The following TBC1D4 variants were observed in gnomAD, a reference collection of about 807,000 sequenced individuals.
TBC1D4 encodes TBC1 domain family member 4, also known as TBC (Tre-2, BUB2, CDC16) domain-containing protein.
Under a neutral mutation model 142.5 loss-of-function variants are expected in TBC1D4, and 121 were observed. The ratio of observed to expected loss-of-function variants is 0.85; its 90% CI spans 0.73 to 0.99. The LOEUF (loss-of-function observed/expected upper bound fraction) is 0.99, where lower values mean the gene tolerates loss of function less well. Among genes scored for constraint, TBC1D4 ranks in the 50% least tolerant of loss-of-function variants. The pLI, the probability that TBC1D4 is intolerant of heterozygous loss-of-function variation, is 0.00. For missense variants in TBC1D4, 1,475 were observed against 1,606.6 expected (o/e 0.92, Z 1.40); for synonymous variants, 630 against 628.2 (o/e 1.00, Z -0.04).
Position 75,295,008 on chromosome 13 carries a change from T to G in TBC1D4, c.3162A>C (p.Gln1054His). The change falls in exon 18 of 21, where the codon CAA becomes CAC. Residue 1054 changes from glutamine (Q) to histidine (H), a missense_variant. By Grantham distance (24) the Gln-to-His change is conservative. Coordinates refer to ENST00000377636, the MANE Select transcript of TBC1D4 (RefSeq NM_014832.5). ...GAAGGAGCCTGGACAGCTGGTACAT[T>G]TGAATCTAAAGTTAATTTGGAGAAG... The part of the protein sequence containing the change: ...YRPDMMSLQI[Q>H]MYQLSRLLHD... 1 of 1,613,678 alleles carries G rather than the reference T, an allele frequency of 6.2e-7. No individual in the cohort carries two copies. Among genetic ancestry groups the G allele is most frequent in the Non-Finnish European group, 8.5e-7 (1 of 1,179,752 alleles).
At chr13:75,289,889 A>G (rs1875100440) in intron 19 of TBC1D4, among the ~76,000 whole-genome samples, 1 of 152,198 alleles carries the variant, frequency 6.6e-6, no homozygotes, top group African/African-American at 2.4e-5. Context: ...AACACTGAGA[A>G]GAGAAAAGAA....
At chr13:75,406,580 T>C (rs570293179) in intron 1 of TBC1D4, among the ~76,000 whole-genome samples, 1 of 152,200 alleles carries the variant, frequency 6.6e-6, no homozygotes. Flanking sequence ...TCGAGAAGGA[T>C]GGAGCACACA....
At chr13:75,400,261 A>G (rs1215208785) in intron 1 of TBC1D4, among the ~76,000 whole-genome samples, 2 of 152,088 alleles carry the variant, frequency 1.3e-5, no homozygotes, top group African/African-American at 4.8e-5. Context: ...TTCCTCTTTA[A>G]TATTGCTCTA....
chr13:75,434,504 G>A (rs779572621), intron 1 of TBC1D4, among the ~76,000 whole-genome samples: 27 of 152,028 alleles, frequency 1.8e-4, no homozygotes, highest in Non-Finnish European at 2.9e-4. Flanking sequence ...GGTGGAGGGC[G>A]GGAGGAGGGA....
chr13:75,344,145 G>A (rs1313849739), intron 5 of TBC1D4, among the ~76,000 whole-genome samples: 7 of 152,130 alleles, frequency 4.6e-5, no homozygotes, highest in Non-Finnish European at 2.9e-5. Flanking sequence ...CACCGTGCCC[G>A]GCCACTATCA....
At chr13:75,294,094 G>C (rs1443762614) in intron 18 of TBC1D4, among the ~76,000 whole-genome samples, 1 of 152,186 alleles carries the variant, frequency 6.6e-6, no homozygotes, top group East Asian at 1.9e-4. Flanking sequence ...CTGATGAAGA[G>C]TTGGTTGTTG....
At chr13:75,326,147 A>C in intron 10 of TBC1D4, 50 bp downstream of exon 10, 1 of 1,598,174 alleles carries the variant, frequency 6.3e-7, no homozygotes, top group Non-Finnish European at 8.6e-7. Flanking sequence ...AGTAATCAAA[A>C]CTGTGTGCCT....
intron 1 of TBC1D4, among the ~76,000 whole-genome samples, chr13:75,462,943 G>A (rs1888030419): frequency 6.6e-6 from 1 of 152,054 alleles, no homozygotes; most frequent in Non-Finnish European, 1.5e-5. Flanking sequence ...AGCAAAGCAT[G>A]GGTAATAATG....
chr13:75,394,128 C>T (rs911967342), intron 1 of TBC1D4, among the ~76,000 whole-genome samples: 1 of 152,036 alleles, frequency 6.6e-6, no homozygotes, highest in Non-Finnish European at 1.5e-5. Context: ...CTACAAAGTG[C>T]TTTTCAACTA....
intron 1 of TBC1D4, among the ~76,000 whole-genome samples, chr13:75,409,648 C>T (rs548877757): frequency 2.8e-4 from 42 of 152,258 alleles, no homozygotes; most frequent in Admixed American, 2.3e-3. Flanking sequence ...GTAAAATACA[C>T]GGAATCTTAA....
At chr13:75,325,424 T>C (rs1338710254) in intron 10 of TBC1D4, among the ~76,000 whole-genome samples, 2 of 152,056 alleles carry the variant, frequency 1.3e-5, no homozygotes, top group African/African-American at 4.8e-5. Context: ...GTTTTTTTTT[T>C]TCTCTCCAAC....
intron 5 of TBC1D4, among the ~76,000 whole-genome samples, chr13:75,348,093 A>G (rs760794433): frequency 5.3e-5 from 8 of 152,192 alleles, no homozygotes; most frequent in Non-Finnish European, 1.0e-4. Context: ...GTGAGTCATA[A>G]TCACATCACT....
intron 9 of TBC1D4, 142 bp from the exon 10 acceptor site, chr13:75,326,565 A>G: frequency 3.5e-6 from 3 of 852,702 alleles, no homozygotes; most frequent in Non-Finnish European, 5.8e-6. Flanking sequence ...CTTTTACTTA[A>G]TTTATGCCGT....
rs578076358 is a variant in TBC1D4, at chr13:75,349,382, T to C, written c.1276-80A>G. ...CAACATTCAACAGCAATGTGAGCCTTTGTTGATGCTGACTAAATAAAAATA... is the reference window on the plus strand; with the variant it reads ...CAACATTCAACAGCAATGTGAGCCTCTGTTGATGCTGACTAAATAAAAATA... On this transcript the variant is annotated intron_variant, in intron 4 of 20. Transcript: ENST00000377636. 8.3e-6 allele frequency: 13 copies of C among 1,557,342 alleles called. No individual in the cohort carries two copies. In the African/African-American group the frequency reaches 1.8e-4, roughly 22 times the overall value.
intron 1 of TBC1D4, among the ~76,000 whole-genome samples, chr13:75,410,174 T>C (rs1885571676): frequency 6.6e-6 from 1 of 152,242 alleles, no homozygotes; most frequent in South Asian, 2.1e-4. Context: ...CTATAATTAC[T>C]ATGTTTGATA....
chr13:75,308,802 A>G (rs1877443343), intron 14 of TBC1D4, among the ~76,000 whole-genome samples: 1 of 152,236 alleles, frequency 6.6e-6, no homozygotes, highest in South Asian at 2.1e-4. Context: ...ACGACAAGTA[A>G]TAGCATTTTT....
intron 2 of TBC1D4, among the ~76,000 whole-genome samples, chr13:75,360,421 A>T (rs1254063821): frequency 6.6e-6 from 1 of 152,198 alleles, no homozygotes; most frequent in Non-Finnish European, 1.5e-5. Flanking sequence ...TTCATTAAAA[A>T]CAAAACCACC....
intron 1 of TBC1D4, among the ~76,000 whole-genome samples, chr13:75,412,302 G>C (rs991535056): frequency 2.6e-5 from 4 of 151,690 alleles, no homozygotes; most frequent in Admixed American, 2.6e-4. Flanking sequence ...TTTTTCTTTT[G>C]AGACAGAGTC....
At chr13:75,359,682 T>C in intron 3 of TBC1D4, 87 bp downstream of exon 3, 1 of 1,053,458 alleles carries the variant, frequency 9.5e-7, no homozygotes, top group Non-Finnish European at 1.4e-6. Context: ...AAATTAAAAT[T>C]TGAAGGGGGT....
Sources: gnomAD v4.1 joint callset for allele counts (sites outside exome capture counted in the v4.1 genomes callset) on GRCh38, gnomAD v4.1.1 for gene constraint, MANE v1.5 for transcripts, NCBI Gene and HGNC (gene_info 2026-07-23, HGNC 2026-07-21) for gene names.